AP3B2: variants seen among roughly 807,000 people sequenced by gnomAD.
AP3B2 encodes the protein AP-3 complex subunit beta-2.
In AP3B2, 50 loss-of-function variants were observed where a neutral mutation model predicts 126.9. The ratio of observed to expected loss-of-function variants is 0.39; its 90% CI spans 0.31 to 0.50. AP3B2 has a LOEUF of 0.50. Among genes scored for constraint, AP3B2 ranks in the 20% least tolerant of loss-of-function variants. The pLI is 0.79. For missense variants in AP3B2, 1,177 were observed against 1,426.4 expected (o/e 0.83, Z 2.82); for synonymous variants, 541 against 565.0 (o/e 0.96, Z 0.60).
intron 25 of AP3B2, among the ~76,000 whole-genome samples, chr15:82,660,767 G>T (rs1276887011): frequency 6.6e-6 from 1 of 151,982 alleles, no homozygotes; most frequent in African/African-American, 2.4e-5. Flanking sequence ...TCTTGTTTTT[G>T]TTCCTTCAAT....
chr15:82,703,407 C>T (rs1039776791), intron 1 of AP3B2, among the ~76,000 whole-genome samples: 9 of 130,350 alleles, frequency 6.9e-5, no homozygotes, highest in South Asian at 2.4e-4. Flanking sequence ...CCCTTCTCTC[C>T]GTGTCTCTAC....
At chr15:82,684,057 AAGGACCCC>A in intron 4 of AP3B2, among the ~76,000 whole-genome samples, 1 of 152,294 alleles carries the variant, frequency 6.6e-6, no homozygotes, top group African/African-American at 2.4e-5. Flanking sequence ...CATAATTCTT[AAGGACCCC>A]AGGATTTTCA....
intron 1 of AP3B2, among the ~76,000 whole-genome samples, chr15:82,698,582 G>A (rs2048667116): frequency 6.6e-6 from 1 of 152,046 alleles, no homozygotes; most frequent in African/African-American, 2.4e-5. Context: ...ATGGTCAGTG[G>A]ACTCCTAGTT....
At chr15:82,677,857 C>T (rs2048269048) in intron 11 of AP3B2, 54 bp from the exon 12 acceptor site, 1 of 1,533,860 alleles carries the variant, frequency 6.5e-7, no homozygotes, top group Non-Finnish European at 8.8e-7. Flanking sequence ...TGAGGGTGAC[C>T]TTCAAGAAGG....
At chr15:82,706,035 G>A (rs543045662) in intron 1 of AP3B2, among the ~76,000 whole-genome samples, 28 of 152,280 alleles carry the variant, frequency 1.8e-4, no homozygotes, top group African/African-American at 6.7e-4. Context: ...TTACACAAGA[G>A]CTGGGACCAC....
intron 4 of AP3B2, chr15:82,685,123 AT>A (rs1444991184): frequency 6.6e-6 from 1 of 152,248 alleles, no homozygotes; most frequent in African/African-American, 2.4e-5. Context: ...ATGTCTGAGC[AT>A]GGTTTGTGGC....
chr15:82,680,919 T>G lies in AP3B2; in HGVS notation c.689A>C (p.Asp230Ala). 6.2e-7 allele frequency: 1 copy of G among 1,613,908 alleles called. No individual in the cohort carries two copies. Among genetic ancestry groups the G allele is most frequent in the Non-Finnish European group, 8.5e-7 (1 of 1,179,862 alleles). Residue 230 changes from aspartate (D) to alanine (A), a missense_variant, in exon 7 of 27, where the codon GAC becomes GCC. Transcript: ENST00000535359. The surrounding 1 kb of genome is among the most constrained non-coding windows in gnomAD (Gnocchi z 6.1). ...GACCACCTGGCCCCACTCCTCCACGTCGATCAGCAGGTTACAGAGTTTCCG... is the reference window on the plus strand; with the variant it reads ...GACCACCTGGCCCCACTCCTCCACGGCGATCAGCAGGTTACAGAGTTTCCG... ...NYRKLCNLLIDVEEWGQVVII... is the reference protein window; with the variant it reads ...NYRKLCNLLIAVEEWGQVVII...
At position 82,681,193 on chromosome 15, in the gene AP3B2, G is replaced by A; in HGVS notation, c.522-15C>T. On this transcript the variant is annotated splice_polypyrimidine_tract_variant and intron_variant, in intron 5 of 26. Transcript: ENST00000535359. The surrounding 1 kb of genome is among the most constrained non-coding windows in gnomAD (Gnocchi z 4.0). ...CAGAGTCCAAACTGAGGGAGAAATC[G>A]GTGAGGGGAATTTGCCACTCTCAGC... is the stretch of plus-strand genomic sequence containing the variant. 3 of 1,606,936 alleles carry A rather than the reference G, an allele frequency of 1.9e-6. No individual in the cohort carries two copies. The highest frequency in any genetic ancestry group is 1.7e-6 in the Non-Finnish European group (2 of 1,176,760).
At chr15:82,666,558 G>A (rs996718020) in intron 15 of AP3B2, among the ~76,000 whole-genome samples, 189 bp downstream of exon 15, 2 of 152,186 alleles carry the variant, frequency 1.3e-5, no homozygotes, top group African/African-American at 4.8e-5. Context: ...GATGATGCTG[G>A]CAGTGGTTAT....
At chr15:82,692,255 G>A in intron 1 of AP3B2, 2 of 887,654 alleles carry the variant, frequency 2.3e-6, no homozygotes, top group Non-Finnish European at 3.5e-6. Flanking sequence ...TCTTAAGCTT[G>A]ATCTTGCGGA....
At position 82,666,758 on chromosome 15, in the gene AP3B2, G is replaced by T; in HGVS notation, c.1841C>A (p.Ser614Ter). 6.2e-7 allele frequency: 1 copy of T among 1,613,428 alleles called. No homozygotes were observed. ...ATTTCAGCTCCCACCTTTGAAGGAT[G>T]ACTCCAAGACTGGAGCTGGTTTGGG... ...LAPKPAPVLE[S>*]SFKDRDHFQL... is the part of the protein sequence containing the mutation. The change falls in exon 15 of 27, where the codon TCA becomes TAA. Residue 614 changes from serine (S) to a stop codon, truncating the protein, a stop_gained. Transcript: ENST00000535359. LOFTEE classifies it high-confidence loss of function.
chr15:82,693,194 AC>A lies in AP3B2; in HGVS notation c.114-3742del, dbSNP rs1335107186. On this transcript the variant is annotated intron_variant, in intron 1 of 26. Transcript: ENST00000535359. Reference sequence around the variant, plus strand: ...CCAATAAGAATCTCCCCCCGCCCCCACCCCCCCGCCCCCGCCCCACTTAAAT... The same window carrying A: ...CCAATAAGAATCTCCCCCCGCCCCCACCCCCCGCCCCCGCCCCACTTAAAT... 2.9e-3 allele frequency among the ~76,000 whole-genome samples: 192 copies of A among 65,420 alleles called. 1 individual carries two copies. Among genetic ancestry groups the A allele is most frequent in the African/African-American group, 9.3e-3 (182 of 19,496 alleles). 42.9% of individuals were successfully genotyped at this position (65,420 alleles called of 152,430 possible). A position where few individuals can be genotyped will look rare whatever the true frequency, so the allele number is the denominator to read the frequency against.
intron 14 of AP3B2, among the ~76,000 whole-genome samples, chr15:82,670,258 C>T (rs1224918094): frequency 2.6e-5 from 4 of 151,442 alleles, no homozygotes; most frequent in Non-Finnish European, 4.4e-5. Context: ...TACAGGCACC[C>T]GCCACCACGC....
intron 15 of AP3B2, 95 bp downstream of exon 15, chr15:82,666,652 T>TAGGG: frequency 7.3e-7 from 1 of 1,374,948 alleles, no homozygotes; most frequent in Non-Finnish European, 9.8e-7. Flanking sequence ...AGAAGCCTGG[T>TAGGG]GCCTGGCTAG....
At chr15:82,695,235 G>T (rs1158398580) in intron 1 of AP3B2, among the ~76,000 whole-genome samples, 1 of 151,860 alleles carries the variant, frequency 6.6e-6, no homozygotes, top group Non-Finnish European at 1.5e-5. Flanking sequence ...AAATAGCTGG[G>T]ACTACAGTTG....
intron 1 of AP3B2, among the ~76,000 whole-genome samples, chr15:82,706,630 C>G (rs1011956848): frequency 2.0e-5 from 3 of 152,138 alleles, no homozygotes; most frequent in Non-Finnish European, 4.4e-5. Flanking sequence ...ACCTACTCCC[C>G]CAATGAAACT....
intron 1 of AP3B2, among the ~76,000 whole-genome samples, chr15:82,700,397 C>CTTTTTTTTGTTTTTTTTTTTTTTT (rs2048700310): frequency 2.9e-5 from 1 of 35,086 alleles, no homozygotes; most frequent in African/African-American, 1.0e-4. Flanking sequence ...TGGTGGGTGG[C>CTTTTTTTTGTTTTTTTTTTTTTTT]TTTTTTTTTT....
chr15:82,688,929 C>T (rs748940352), intron 3 of AP3B2, 98 bp from the exon 4 acceptor site: 190 of 1,225,484 alleles, frequency 1.6e-4, no homozygotes, highest in Non-Finnish European at 2.1e-4. Context: ...AGCTGCGGTC[C>T]ATGGGGACAA....
chr15:82,696,171 T>C (rs1352341898), intron 1 of AP3B2, among the ~76,000 whole-genome samples: 2 of 152,160 alleles, frequency 1.3e-5, no homozygotes, highest in Admixed American at 1.3e-4. Context: ...AAAGGTAACA[T>C]TCTGAGGTAC....
Sources: gnomAD v4.1 joint callset for allele counts (sites outside exome capture counted in the v4.1 genomes callset) on GRCh38, gnomAD v4.1.1 for gene constraint, Gnocchi (gnomAD v3.1) non-coding constraint, MANE v1.5 for transcripts, NCBI Gene and HGNC (gene_info 2026-07-23, HGNC 2026-07-21) for gene names.